MCHR2: variants seen among roughly 807,000 people sequenced by gnomAD.
MCHR2 encodes melanin concentrating hormone receptor 2.
MCHR2 carries 15 observed loss-of-function variants against 24.8 expected under a neutral mutation model. That is an observed-to-expected ratio of 0.60 (90% confidence interval 0.40 to 0.93). The LOEUF is 0.93. Among genes scored for constraint, MCHR2 ranks in the 40% least tolerant of loss-of-function variants. The pLI, the probability that MCHR2 is intolerant of heterozygous loss-of-function variation, is 0.00. For missense variants in MCHR2, 386 were observed against 408.7 expected (o/e 0.94, Z 0.48); for synonymous variants, 151 against 147.6 (o/e 1.02, Z -0.17).
intron 3 of MCHR2, among the ~76,000 whole-genome samples, chr6:99,944,834 G>C (rs1774844921): frequency 6.6e-6 from 1 of 152,094 alleles, no homozygotes; most frequent in African/African-American, 2.4e-5. Flanking sequence ...TGATCCACAG[G>C]TCTTTTTTCC....
At position 99,920,987 on chromosome 6, in the gene MCHR2, C is replaced by G. The variant is rs1774213703; in HGVS notation, c.976G>C (p.Glu326Gln). Residue 326 changes from glutamate to glutamine, a missense_variant, in exon 6 of 6, where the codon GAG becomes CAG. Glu to Gln is a conservative substitution (Grantham distance 29, BLOSUM62 2). Coordinates refer to ENST00000281806, the MANE Select transcript of MCHR2 (RefSeq NM_001040179.2). ...TTTCCCATATTGTTGATTTCCTTCT[C>G]AGTCGCTCTTCTTTGGATTTGAGGC... is the stretch of plus-strand genomic sequence containing the variant. The part of the protein sequence containing the change: ...RLPQIQRRAT[E>Q]KEINNMGNTL... 1 of 1,614,206 alleles carries G rather than the reference C, an allele frequency of 6.2e-7. No individual in the cohort carries two copies. Among genetic ancestry groups the G allele is most frequent in the Non-Finnish European group, 8.5e-7 (1 of 1,180,026 alleles).
intron 5 of MCHR2, among the ~76,000 whole-genome samples, chr6:99,932,861 C>T (rs1461058899): frequency 6.6e-6 from 1 of 152,006 alleles, no homozygotes; most frequent in Non-Finnish European, 1.5e-5. Flanking sequence ...TAGTGAAGTC[C>T]AGTAAAGAAT....
At chr6:99,945,476 A>G (rs762435087) in intron 3 of MCHR2, among the ~76,000 whole-genome samples, 4 of 152,172 alleles carry the variant, frequency 2.6e-5, no homozygotes, top group Non-Finnish European at 5.9e-5. Context: ...TAAATATTCT[A>G]CACACTTGCA....
At chr6:99,959,606 C>G (rs199554747) in intron 1 of MCHR2, among the ~76,000 whole-genome samples, 2 of 63,612 alleles carry the variant, frequency 3.1e-5, no homozygotes, top group Admixed American at 3.0e-4. Context: ...TTGATAAACT[C>G]ATTAAAACAA....
intron 5 of MCHR2, among the ~76,000 whole-genome samples, chr6:99,931,454 G>A (rs996635568): frequency 6.6e-6 from 1 of 152,220 alleles, no homozygotes; most frequent in African/African-American, 2.4e-5. Context: ...GGAGCCTACA[G>A]TGGCAGGCAG....
chr6:99,969,700 T>G (rs1775363299), intron 1 of MCHR2, among the ~76,000 whole-genome samples: 2 of 140,288 alleles, frequency 1.4e-5, no homozygotes, highest in Non-Finnish European at 1.5e-5. Context: ...GTATATCTCC[T>G]ATCCCTCCCC....
At chr6:99,954,822 A>C (rs1197838279) in intron 2 of MCHR2, among the ~76,000 whole-genome samples, 1 of 152,142 alleles carries the variant, frequency 6.6e-6, no homozygotes, top group East Asian at 1.9e-4. Flanking sequence ...TGATGGTTTG[A>C]TTTACAAAAA....
At chr6:99,969,262 T>A (rs1775347839) in intron 1 of MCHR2, among the ~76,000 whole-genome samples, 1 of 151,880 alleles carries the variant, frequency 6.6e-6, no homozygotes, top group Non-Finnish European at 1.5e-5. Context: ...GATCACGATG[T>A]TAGGAGTTCA....
At chr6:99,980,617 A>C (rs1775649773) in intron 1 of MCHR2, among the ~76,000 whole-genome samples, 1 of 152,112 alleles carries the variant, frequency 6.6e-6, no homozygotes, top group South Asian at 2.1e-4. Context: ...GGAGAGTGAC[A>C]GAGAGAGACA....
intron 2 of MCHR2, among the ~76,000 whole-genome samples, chr6:99,949,128 T>G (rs903822753): frequency 2.0e-5 from 3 of 152,206 alleles, no homozygotes; most frequent in African/African-American, 7.2e-5. Flanking sequence ...CATCTTTATC[T>G]GGGAGATTCT....
rs201718043 is a variant in MCHR2, at chr6:99,920,992, G to T, written c.971C>A (p.Ala324Glu). 1.2e-6 allele frequency: 2 copies of T among 1,613,992 alleles called. No homozygotes were observed. Among genetic ancestry groups the T allele is most frequent in the Non-Finnish European group, 1.7e-6 (2 of 1,180,022 alleles). ...CATATTGTTGATTTCCTTCTCAGTC[G>T]CTCTTCTTTGGATTTGAGGCAGACG... The part of the protein sequence containing the change: ...QKRLPQIQRR[A>E]TEKEINNMGN... The change falls in exon 6 of 6, where the codon GCG (alanine) becomes GAG (glutamate). Residue 324 changes from alanine (A) to glutamate (E), a missense_variant. Physicochemically the swap from Ala to Glu is moderately radical, Grantham distance 107. Coordinates refer to ENST00000281806, the MANE Select transcript of MCHR2 (RefSeq NM_001040179.2).
At chr6:99,939,718 T>C (rs73760569) in intron 4 of MCHR2, among the ~76,000 whole-genome samples, 28,137 of 151,632 alleles carry the variant, frequency 0.19, 2,812 homozygotes, top group African/African-American at 0.24. Flanking sequence ...GTTTTTTTTT[T>C]TTTCTTTCCA....
Position 99,956,165 on chromosome 6 carries a change from G to C in MCHR2, c.-18C>G. 6.3e-7 allele frequency: 1 copy of C among 1,599,442 alleles called. No homozygotes were observed. The highest frequency in any genetic ancestry group is 8.5e-7 in the Non-Finnish European group (1 of 1,171,632). ...GGATTCATTGTTCGTGGACTTTCCA[G>C]GGATTAAAGCTGTGAAGTAATAGGA... is the stretch of plus-strand genomic sequence containing the variant. On this transcript the variant is annotated 5_prime_UTR_variant, in exon 2 of 6. Coordinates refer to ENST00000281806, the MANE Select transcript of MCHR2 (RefSeq NM_001040179.2).
At position 99,942,970 on chromosome 6, in the gene MCHR2, G is replaced by T. The variant is rs1475661053; in HGVS notation, c.566C>A (p.Thr189Lys). Reference sequence around the variant, plus strand: ...TTACCAGAGTACATCGTCAGGGGATGTCAAATCAAAAGCACAACTCTCAAC... The same window carrying T: ...TTACCAGAGTACATCGTCAGGGGATTTCAAATCAAAAGCACAACTCTCAAC... Reference protein sequence around the residue: ...DGVESCAFDLTSPDDVLWYTL... With the variant: ...DGVESCAFDLKSPDDVLWYTL... Residue 189 changes from threonine (T) to lysine (K), a missense_variant, in exon 4 of 6, where the codon ACA becomes AAA. By Grantham distance (78) the Thr-to-Lys change is moderately conservative. Transcript: ENST00000281806. 1 of 1,611,966 alleles carries T rather than the reference G, an allele frequency of 6.2e-7. No homozygotes were observed. Among genetic ancestry groups the T allele is most frequent in the Non-Finnish European group, 8.5e-7 (1 of 1,178,704 alleles).
chr6:99,976,949 A>G (rs1345061075), intron 1 of MCHR2, among the ~76,000 whole-genome samples: 1 of 152,222 alleles, frequency 6.6e-6, no homozygotes. Context: ...CCATAGCATC[A>G]AAAGCAACCT....
chr6:99,939,982 T>C (rs1411121796), intron 4 of MCHR2, among the ~76,000 whole-genome samples: 1 of 151,738 alleles, frequency 6.6e-6, no homozygotes, highest in Non-Finnish European at 1.5e-5. Flanking sequence ...CTTTATACGT[T>C]ATTTGCTTCT....
At chr6:99,972,482 A>T (rs991529854) in intron 1 of MCHR2, among the ~76,000 whole-genome samples, 1 of 152,068 alleles carries the variant, frequency 6.6e-6, no homozygotes. Context: ...CTAGCAGTCT[A>T]TCAATTTTGT....
intron 5 of MCHR2, among the ~76,000 whole-genome samples, chr6:99,931,940 G>T (rs1774554096): frequency 6.6e-6 from 1 of 152,136 alleles, no homozygotes; most frequent in South Asian, 2.1e-4. Flanking sequence ...CGCTCACGCT[G>T]GGAGCTGTAG....
intron 5 of MCHR2, among the ~76,000 whole-genome samples, chr6:99,924,814 CTAACA>C (rs1562116301): frequency 2.0e-5 from 3 of 151,842 alleles, no homozygotes; most frequent in African/African-American, 7.3e-5. Flanking sequence ...GTTTTGTGAC[CTAACA>C]TATGTTCTAT....
Sources: gnomAD v4.1 joint callset for allele counts (sites outside exome capture counted in the v4.1 genomes callset) on GRCh38, gnomAD v4.1.1 for gene constraint, MANE v1.5 for transcripts, NCBI Gene and HGNC (gene_info 2026-07-23, HGNC 2026-07-21) for gene names.